Variants in LZTS2 observed in about 807,000 individuals in gnomAD.
LZTS2 encodes leucine zipper tumor suppressor 2.
Under a neutral mutation model 60.6 loss-of-function variants are expected in LZTS2, and 32 were observed. That is an observed-to-expected ratio of 0.53 (90% CI 0.40 to 0.71). LZTS2 has a LOEUF of 0.71. Ranked by LOEUF, LZTS2 falls within the 30% of genes least tolerant of loss-of-function variation. LZTS2 has a pLI of 0.00. For synonymous variants in LZTS2, 360 were observed against 393.1 expected (o/e 0.92, Z 1.00); for missense variants, 792 against 901.9 (o/e 0.88, Z 1.56).
exon 4 of LZTS2, chr10:101,007,521 T>C (rs1852253030): frequency 7.5e-7 from 1 of 1,337,512 alleles, no homozygotes; most frequent in African/African-American, 1.5e-5. Flanking sequence ...CTCTTCACAT[T>C]CCCCCCGACC....
At chr10:101,003,863 G>T (rs1230492028) in exon 2 of LZTS2, 1 of 1,613,158 alleles carries the variant, frequency 6.2e-7, no homozygotes, top group South Asian at 1.1e-5. Context: ...CTGGGCGAGG[G>T]GCACTGCCTG....
At chr10:101,007,170 G>A (rs1021266273) in exon 4 of LZTS2, 3 of 1,562,472 alleles carry the variant, frequency 1.9e-6, no homozygotes, top group African/African-American at 1.4e-5. Context: ...GAGATCTAGG[G>A]CCCTCAGCAA....
In LZTS2 at chr10:101,007,486, G is replaced by A. The variant is rs1482184850; in HGVS notation, c.*318G>A. The A allele has an allele frequency of 9.9e-6, 14 of 1,413,926 alleles. No homozygotes were observed. The East Asian group carries it at 4.1e-4, about 41-fold the overall frequency. 87.6% of individuals were successfully genotyped at this position (1,413,926 alleles called of 1,614,324 possible). A position where few individuals can be genotyped will look rare whatever the true frequency, so the allele number is the denominator to read the frequency against. On this transcript the variant is annotated 3_prime_UTR_variant, in exon 4 of 4. Coordinates refer to ENST00000370220, the Ensembl canonical transcript of LZTS2. ...CTTCCAGCCCACTCCAGCCAGGGGA[G>A]CAGGGAAGAAGAAGGGGCTCCCTCC...
At chr10:101,006,443 G>C (rs1249451479) in intron 3 of LZTS2, 42 bp from the exon 5 acceptor site, 1 of 1,571,108 alleles carries the variant, frequency 6.4e-7, no homozygotes, top group Non-Finnish European at 8.6e-7. Flanking sequence ...CCCCCCAGGA[G>C]AACCTGTCTC....
chr10:101,007,695 T>G, exon 4 of LZTS2: 1 of 1,029,536 alleles, frequency 9.7e-7, no homozygotes, highest in Non-Finnish European at 1.2e-6. Context: ...AGAAATGTCT[T>G]GTTTATTTGT....
At position 101,006,954 on chromosome 10, in the gene LZTS2, AGCGGCTG is replaced by A; in HGVS notation, c.1799_1805del (p.Arg600ProfsTer9). On this transcript the variant is annotated frameshift_variant, in exon 4 of 4. Transcript: ENST00000370220. LOFTEE classifies it high-confidence loss of function. Reference sequence around the variant, plus strand: ...GAGCAGCGGGACAGCTTTGAGGGGGAGCGGCTGGCCTGGCAGGCAGAGAAGGAGCAGG... The same window carrying A: ...GAGCAGCGGGACAGCTTTGAGGGGGAGCCTGGCAGGCAGAGAAGGAGCAGG... 6.5e-7 allele frequency: 1 copy of A among 1,544,292 alleles called. No homozygotes were observed. The highest frequency in any genetic ancestry group is 1.4e-5 in the African/African-American group (1 of 73,180).
chr10:101,005,821 C>T, intron 3 of LZTS2, 106 bp downstream of exon 4: 1 of 1,353,972 alleles, frequency 7.4e-7, no homozygotes, highest in Middle Eastern at 2.7e-4. Context: ...AGAGGTCCTC[C>T]CCTTTCTCAC....
At chr10:100,996,792 C>T (rs1851925808), upstream of LZTS2, 1 of 152,282 alleles carries the variant, frequency 6.6e-6, no homozygotes, top group Non-Finnish European at 1.5e-5. Flanking sequence ...GGTTGGGCTC[C>T]CATCGGAGCA....
chr10:101,004,050 C>T (rs373196399), exon 2 of LZTS2: 2 of 1,613,278 alleles, frequency 1.2e-6, no homozygotes, highest in African/African-American at 2.7e-5. Context: ...CCCGCCTCCA[C>T]CTCCTTCGGA....
chr10:100,997,592 C>T (rs1363354165), upstream of LZTS2, among the ~76,000 whole-genome samples: 2 of 152,154 alleles, frequency 1.3e-5, no homozygotes, highest in African/African-American at 4.8e-5. Flanking sequence ...AAAGGGGCAG[C>T]CCTGTGACTA....
upstream of LZTS2, chr10:100,996,796 C>T (rs1200505013): frequency 6.6e-6 from 1 of 152,278 alleles, no homozygotes; most frequent in African/African-American, 2.4e-5. Flanking sequence ...GGGCTCCCAT[C>T]GGAGCAGGGA....
chr10:101,003,401 T>C lies in LZTS2; in HGVS notation c.409-106T>C, dbSNP rs1052683379. On this transcript the variant is annotated intron_variant, in intron 1 of 3. Coordinates refer to ENST00000370220, the Ensembl canonical transcript of LZTS2. ...CCTCCACCAGTGGCCGCAATTGTTA[T>C]GAATATATGGGCACTGGGGACCCAA... 11 of 1,223,960 alleles carry C rather than the reference T, an allele frequency of 9.0e-6. No individual in the cohort carries two copies. In the South Asian group the frequency reaches 1.1e-4, roughly 12 times the overall value. 75.8% of individuals were successfully genotyped at this position (1,223,960 alleles called of 1,614,324 possible).
chr10:101,006,503 G>A (rs754423433), exon 4 of LZTS2: 2 of 1,610,020 alleles, frequency 1.2e-6, no homozygotes, highest in East Asian at 2.2e-5. Context: ...GAAATCAGGC[G>A]AGATCTCCCT....
chr10:100,999,585 C>G (rs1055485598), exon 1 of LZTS2: 3 of 152,440 alleles, frequency 2.0e-5, no homozygotes, highest in African/African-American at 7.2e-5. Flanking sequence ...CGCGTCGAGC[C>G]GAACCGAGCC....
At chr10:101,004,016 CTGTGGGGAGCGCTCA>C in exon 2 of LZTS2, 1 of 1,613,284 alleles carries the variant, frequency 6.2e-7, no homozygotes, top group Non-Finnish European at 8.5e-7. Context: ...ACAGCAGCTC[CTGTGGGGAGCGCTCA>C]CCACCACCCC....
At chr10:101,006,529 G>C in exon 4 of LZTS2, 1 of 1,611,524 alleles carries the variant, frequency 6.2e-7, no homozygotes, top group South Asian at 1.1e-5. Context: ...AGCAGCAGCT[G>C]AAAGAGTCTC....
At chr10:101,002,747 A>G (rs1186679314) in exon 1 of LZTS2, 1 of 1,613,152 alleles carries the variant, frequency 6.2e-7, no homozygotes, top group Admixed American at 1.7e-5. Context: ...TATGAGGCAC[A>G]GGAGCCGCTG....
In LZTS2 at chr10:101,007,095, A is replaced by AGCTCGCTGACCTGGGCCTGGCC; in HGVS notation, c.1939_1960dup (p.Glu654AlafsTer3). The AGCTCGCTGACCTGGGCCTGGCC allele has an allele frequency of 1.2e-6, 2 of 1,611,034 alleles. No homozygotes were observed. Among genetic ancestry groups the AGCTCGCTGACCTGGGCCTGGCC allele is most frequent in the Non-Finnish European group, 1.7e-6 (2 of 1,179,456 alleles). On this transcript the variant is annotated frameshift_variant, in exon 4 of 4. Transcript: ENST00000370220. LOFTEE classifies it high-confidence loss of function. ...CTCAGCCTGGAGCTGGAGGCCCGGG[A>AGCTCGCTGACCTGGGCCTGGCC]GCTCGCTGACCTGGGCCTGGCCGAG... is the stretch of plus-strand genomic sequence containing the variant.
chr10:101,003,832 G>A (rs1254863934), exon 2 of LZTS2: 2 of 1,613,302 alleles, frequency 1.2e-6, no homozygotes, highest in East Asian at 2.2e-5. Flanking sequence ...TCCCCAGGCG[G>A]GCACCTGCCT....
Sources: gnomAD v4.1 joint callset for allele counts (sites outside exome capture counted in the v4.1 genomes callset) on GRCh38, gnomAD v4.1.1 for gene constraint, MANE v1.5 for transcripts, NCBI Gene and HGNC (gene_info 2026-07-23, HGNC 2026-07-21) for gene names.